The following ZNF791 variants were observed in gnomAD, a reference collection of about 807,000 sequenced individuals.
ZNF791 encodes the protein zinc finger protein 791.
A neutral mutation model predicts 11.5 loss-of-function variants in ZNF791; 4 were observed. That is an observed-to-expected ratio of 0.35 (90% CI 0.17 to 0.80). ZNF791 has a LOEUF of 0.80. Ranked by LOEUF, ZNF791 falls within the 30% of genes least tolerant of loss-of-function variation. ZNF791 has a pLI of 0.53. For missense variants in ZNF791, 559 were observed against 699.4 expected (o/e 0.80, Z 2.26); for synonymous variants, 212 against 228.1 (o/e 0.93, Z 0.64).
chr19:12,628,318 G>C lies in ZNF791; in HGVS notation c.789G>C (p.Met263Ile), dbSNP rs1193576423. Residue 263 changes from methionine (M) to isoleucine (I), a missense_variant, in exon 4 of 4, where the codon ATG (methionine) becomes ATC (isoleucine). Met to Ile is a conservative substitution (Grantham distance 10). Transcript: ENST00000343325. ...FISHTSVLTH[M>I]ITHNGDRPYK... is the part of the protein sequence containing the mutation. ...CCCACACAAGTGTTCTAACACACATGATAACACACAACGGAGATAGACCTT... is the reference window on the plus strand; with the variant it reads ...CCCACACAAGTGTTCTAACACACATCATAACACACAACGGAGATAGACCTT... 1 of 1,613,068 alleles carries C rather than the reference G, an allele frequency of 6.2e-7. No homozygotes were observed. Among genetic ancestry groups the C allele is most frequent in the Non-Finnish European group, 8.5e-7 (1 of 1,179,722 alleles).
Position 12,628,200 on chromosome 19 carries a change from C to T in ZNF791, c.671C>T (p.Ala224Val). 6.2e-7 allele frequency: 1 copy of T among 1,613,998 alleles called. No homozygotes were observed. Among genetic ancestry groups the T allele is most frequent in the Non-Finnish European group, 8.5e-7 (1 of 1,179,916 alleles). The change falls in exon 4 of 4, where the codon GCC becomes GTC. Residue 224 changes from alanine to valine, a missense_variant. Coordinates refer to ENST00000343325, the MANE Select transcript of ZNF791 (RefSeq NM_153358.3). ...TATGAATGTAAACAATGTGGGAAAG[C>T]CTTCAGTTGTTCCAGTTCTATTCGA... The part of the protein sequence containing the change: ...KPYECKQCGK[A>V]FSCSSSIRVH...
intron 1 of ZNF791, chr19:12,612,166 A>G: frequency 1.1e-6 from 1 of 899,710 alleles, no homozygotes; most frequent in Non-Finnish European, 1.3e-6. Context: ...TTTGTAAACT[A>G]TTTATTGCCA....
intron 3 of ZNF791, among the ~76,000 whole-genome samples, chr19:12,626,251 G>A (rs969340697): frequency 5.3e-5 from 8 of 151,870 alleles, no homozygotes; most frequent in Admixed American, 2.0e-4. Context: ...TCCTGACCTC[G>A]TGATCTGCCC....
At chr19:12,627,468 A>T (rs567768347) in intron 3 of ZNF791, among the ~76,000 whole-genome samples, 5 of 151,992 alleles carry the variant, frequency 3.3e-5, no homozygotes, top group African/African-American at 9.6e-5. Context: ...CTTTACTAAA[A>T]ATACAAAATT....
At chr19:12,624,895 A>C (rs542740326) in intron 3 of ZNF791, among the ~76,000 whole-genome samples, 185 bp downstream of exon 3, 1 of 151,940 alleles carries the variant, frequency 6.6e-6, no homozygotes, top group South Asian at 2.1e-4. Flanking sequence ...TAAAAATACA[A>C]AAAAAGTTAG....
rs535844288 is a variant in ZNF791, at chr19:12,629,366, T to C, written c.*106T>C. 29 of 853,334 alleles carry C rather than the reference T, an allele frequency of 3.4e-5. No individual in the cohort carries two copies. The highest frequency in any genetic ancestry group is 4.5e-5 in the Non-Finnish European group (27 of 595,048). The allele number at this position is 853,334 out of a possible 1,614,324, so 52.9% of individuals were successfully genotyped here. ...AGAGAAATCCTGTCAATGTAAGTAA[T>C]ATAGAAAGCGAGATACAAGATGATT... On this transcript the variant is annotated 3_prime_UTR_variant, in exon 4 of 4. Transcript: ENST00000343325.
intron 3 of ZNF791, 143 bp from the exon 4 acceptor site, chr19:12,627,578 A>G (rs1024463673): frequency 1.8e-5 from 12 of 684,474 alleles, no homozygotes; most frequent in Non-Finnish European, 2.6e-5. Context: ...GTGAGCTGAG[A>G]TCGCACCATT....
At position 12,627,883 on chromosome 19, in the gene ZNF791, C is replaced by T. The variant is rs374093841; in HGVS notation, c.354C>T (p.His118=). Residue 118 remains histidine, a synonymous_variant, in exon 4 of 4, where the codon CAC becomes CAT. Coordinates refer to ENST00000343325, the MANE Select transcript of ZNF791 (RefSeq NM_153358.3). ...TGCGTCTCTCATCCCTTACTAGACA[C>T]ATGAGGTCTCACACTGGATACGAGC... is the stretch of plus-strand genomic sequence containing the variant. ...AFMRLSSLTR[H]MRSHTGYELF... The T allele has an allele frequency of 3.7e-6, 6 of 1,614,042 alleles. No homozygotes were observed. The African/African-American group carries it at 8.0e-5, about 22-fold the overall frequency.
At chr19:12,621,624 T>C (rs1599323996) in intron 1 of ZNF791, among the ~76,000 whole-genome samples, 1 of 150,688 alleles carries the variant, frequency 6.6e-6, no homozygotes, top group Non-Finnish European at 1.5e-5. Context: ...TTCTTAAAAG[T>C]TGGATTTCCA....
At chr19:12,613,943 G>A (rs535300689) in intron 1 of ZNF791, among the ~76,000 whole-genome samples, 7 of 152,260 alleles carry the variant, frequency 4.6e-5, no homozygotes, top group South Asian at 4.2e-4. Flanking sequence ...TTTCACTTCC[G>A]TAATATAGGT....
At position 12,613,459 on chromosome 19, in the gene ZNF791, T is replaced by C. The variant is rs1004451378; in HGVS notation, c.3+2377T>C. ...AGCTGGGCGTGGAGGCGGGCGCCTG[T>C]AGTCCCAGCTACTCTGGAGGCTGAG... On this transcript the variant is annotated intron_variant, in intron 1 of 3. Coordinates refer to ENST00000343325, the MANE Select transcript of ZNF791 (RefSeq NM_153358.3). Among the ~76,000 whole-genome samples, 3 of 152,010 alleles carry C rather than the reference T, an allele frequency of 2.0e-5. No individual in the cohort carries two copies. In the East Asian group the frequency reaches 5.8e-4, roughly 30 times the overall value.
chr19:12,628,264 A>C lies in ZNF791; in HGVS notation c.735A>C (p.Ala245=), dbSNP rs745502478. ...CTCACACTGGAGAGAAACCCTATGCATGTAAGGAATGTGGGAAAGCCTTCA... is the reference window on the plus strand; with the variant it reads ...CTCACACTGGAGAGAAACCCTATGCCTGTAAGGAATGTGGGAAAGCCTTCA... ...ERTHTGEKPY[A]CKECGKAFIS... The change falls in exon 4 of 4, where the codon GCA becomes GCC. Residue 245 remains alanine (A), a synonymous_variant. Coordinates refer to ENST00000343325, the MANE Select transcript of ZNF791 (RefSeq NM_153358.3). 33 of 1,613,682 alleles carry C rather than the reference A, an allele frequency of 2.0e-5. No individual in the cohort carries two copies. Among genetic ancestry groups the C allele is most frequent in the Non-Finnish European group, 2.7e-5 (32 of 1,179,890 alleles).
chr19:12,625,853 T>C (rs975631064), intron 3 of ZNF791, among the ~76,000 whole-genome samples: 2 of 151,726 alleles, frequency 1.3e-5, no homozygotes, highest in Admixed American at 1.3e-4. Context: ...TGTTTGTTTG[T>C]TTGTTTTGTG....
rs1442466229 is a variant in ZNF791, at chr19:12,624,514, C to A, written c.131-136C>A. 3.2e-5 allele frequency: 21 copies of A among 647,992 alleles called. No individual in the cohort carries two copies. The South Asian group carries it at 5.2e-4, about 16-fold the overall frequency. The allele number at this position is 647,992 out of a possible 1,614,324, so 40.1% of individuals were successfully genotyped here. A position where few individuals can be genotyped will look rare whatever the true frequency, so the allele number is the denominator to read the frequency against. On this transcript the variant is annotated intron_variant, in intron 2 of 3. Coordinates refer to ENST00000343325, the MANE Select transcript of ZNF791 (RefSeq NM_153358.3). Reference sequence around the variant, plus strand: ...CATTTCTTGCTCATAATCACTGTTCCGAGATTTGGAATCTGAAAAGGAAAC... The same window carrying A: ...CATTTCTTGCTCATAATCACTGTTCAGAGATTTGGAATCTGAAAAGGAAAC...
Position 12,628,154 on chromosome 19 carries a change from A to G in ZNF791, c.625A>G (p.Ile209Val). 4 of 1,614,222 alleles carry G rather than the reference A, an allele frequency of 2.5e-6. No individual in the cohort carries two copies. Among genetic ancestry groups the G allele is most frequent in the African/African-American group, 1.3e-5 (1 of 75,070 alleles). Residue 209 changes from isoleucine to valine, a missense_variant, in exon 4 of 4, where the codon ATT becomes GTT. Ile to Val is a conservative substitution (Grantham distance 29, BLOSUM62 3). Transcript: ENST00000343325. ...CSSSLRVHER[I>V]HTGEKPYECK... ...CAGTTCGCTTCGAGTTCATGAAAGG[A>G]TTCACACTGGAGAAAAGCCCTATGA... is the stretch of plus-strand genomic sequence containing the variant.
chr19:12,623,863 T>TTC, intron 2 of ZNF791, 37 bp downstream of exon 2: 1 of 1,034,856 alleles, frequency 9.7e-7, no homozygotes, highest in South Asian at 1.5e-5. Flanking sequence ...TTCTTTTTTT[T>TTC]TTTTTTTGGG....
chr19:12,630,314 T>A lies in ZNF791; in HGVS notation c.*1054T>A, dbSNP rs989970188. Reference sequence around the variant, plus strand: ...CTCCATTAGAAATACGAAAATTAGCTGGGCGTTCTGGTGTGCCTGTAGTCC... The same window carrying A: ...CTCCATTAGAAATACGAAAATTAGCAGGGCGTTCTGGTGTGCCTGTAGTCC... On this transcript the variant is annotated 3_prime_UTR_variant, in exon 4 of 4. Transcript: ENST00000343325. 1 of 151,822 alleles carries A rather than the reference T, an allele frequency of 6.6e-6. No homozygotes were observed. Among genetic ancestry groups the A allele is most frequent in the Non-Finnish European group, 1.5e-5 (1 of 67,992 alleles). 9.4% of individuals were successfully genotyped at this position (151,822 alleles called of 1,614,324 possible). A position where few individuals can be genotyped will look rare whatever the true frequency, so the allele number is the denominator to read the frequency against.
At chr19:12,625,555 T>C (rs2023413092) in intron 3 of ZNF791, among the ~76,000 whole-genome samples, 1 of 150,938 alleles carries the variant, frequency 6.6e-6, no homozygotes, top group African/African-American at 2.4e-5. Flanking sequence ...GAAGGTGAGG[T>C]GGGCGGATCA....
In ZNF791 at chr19:12,629,344, GAA is replaced by G. The variant is rs2023471250; in HGVS notation, c.*86_*87del. On this transcript the variant is annotated 3_prime_UTR_variant, in exon 4 of 4. Transcript: ENST00000343325. ...GTTGTGAAAATTCCCACTGAAGAGA[GAA>G]ATCCTGTCAATGTAAGTAATATAGA... 1 of 1,059,318 alleles carries G rather than the reference GAA, an allele frequency of 9.4e-7. No homozygotes were observed. Among genetic ancestry groups the G allele is most frequent in the Non-Finnish European group, 1.3e-6 (1 of 767,248 alleles). The allele number at this position is 1,059,318 out of a possible 1,614,324, so 65.6% of individuals were successfully genotyped here. A position where few individuals can be genotyped will look rare whatever the true frequency, so the allele number is the denominator to read the frequency against.
Sources: gnomAD v4.1 joint callset for allele counts (sites outside exome capture counted in the v4.1 genomes callset) on GRCh38, gnomAD v4.1.1 for gene constraint, MANE v1.5 for transcripts, NCBI Gene and HGNC (gene_info 2026-07-23, HGNC 2026-07-21) for gene names.